SAXO1: variants seen among roughly 807,000 people sequenced by gnomAD.
SAXO1 encodes the protein stabilizer of axonemal microtubules 1, also known as 4930500O09Rik.
Under a neutral mutation model 17.5 loss-of-function variants are expected in SAXO1, and 21 were observed. The observed-to-expected ratio is 1.20, with a 90% confidence interval of 0.85 to 1.72. The LOEUF is 1.72. Among genes scored for constraint, SAXO1 ranks in the 40% most tolerant of loss-of-function variants. SAXO1 has a pLI of 0.00. For missense variants in SAXO1, 843 were observed against 596.0 expected (o/e 1.41, Z -4.32); for synonymous variants, 274 against 216.5 (o/e 1.27, Z -2.33).
intron 1 of SAXO1, chr9:19,027,853 C>G: frequency 7.2e-7 from 1 of 1,387,646 alleles, no homozygotes; most frequent in South Asian, 1.2e-5. Context: ...TCCTGGACCC[C>G]GCCCTGCTAC....
chr9:19,019,086 G>A (rs924151980), intron 1 of SAXO1, among the ~76,000 whole-genome samples: 1 of 151,552 alleles, frequency 6.6e-6, no homozygotes, highest in Non-Finnish European at 1.5e-5. Context: ...TCCAGCCTGG[G>A]CAACAAGAGT....
At chr9:18,963,340 G>T (rs950319500) in intron 1 of SAXO1, among the ~76,000 whole-genome samples, 80 of 151,924 alleles carry the variant, frequency 5.3e-4, no homozygotes, top group Admixed American at 4.4e-3. Context: ...ATTCTGTGAA[G>T]AAAGTTAATG....
chr9:19,029,929 T>C (rs529207002), intron 1 of SAXO1, among the ~76,000 whole-genome samples: 9 of 152,342 alleles, frequency 5.9e-5, no homozygotes, highest in Non-Finnish European at 8.8e-5. Flanking sequence ...ATGTGTTAGC[T>C]GTTAATAAAG....
At chr9:18,946,168 C>T (rs544406402) in intron 2 of SAXO1, among the ~76,000 whole-genome samples, 2 of 149,210 alleles carry the variant, frequency 1.3e-5, no homozygotes, top group African/African-American at 2.5e-5. Context: ...CCTAACTACT[C>T]GGGAGGCTGA....
At chr9:19,018,011 T>C (rs1230992123) in intron 1 of SAXO1, among the ~76,000 whole-genome samples, 1 of 152,004 alleles carries the variant, frequency 6.6e-6, no homozygotes, top group Admixed American at 6.6e-5. Flanking sequence ...CTACAAAAAA[T>C]ACAAAAATTA....
At chr9:18,932,207 CTT>C (rs1831084273) in intron 3 of SAXO1, among the ~76,000 whole-genome samples, 1 of 152,182 alleles carries the variant, frequency 6.6e-6, no homozygotes, top group African/African-American at 2.4e-5. Flanking sequence ...GTTTCTGACT[CTT>C]TTGAGTTTGG....
At chr9:19,011,910 A>G (rs1192738929) in intron 1 of SAXO1, among the ~76,000 whole-genome samples, 1 of 150,704 alleles carries the variant, frequency 6.6e-6, no homozygotes, top group Non-Finnish European at 1.5e-5. Flanking sequence ...CAGTGGCACA[A>G]TCTCAGGTCA....
intron 1 of SAXO1, among the ~76,000 whole-genome samples, chr9:19,008,741 G>A (rs540283068): frequency 5.9e-5 from 9 of 152,254 alleles, no homozygotes; most frequent in South Asian, 2.1e-4. Context: ...CGACTATGAC[G>A]ACACTGGATA....
intron 1 of SAXO1, among the ~76,000 whole-genome samples, chr9:19,015,910 G>A (rs1834955850): frequency 6.6e-6 from 1 of 152,154 alleles, no homozygotes; most frequent in South Asian, 2.1e-4. Context: ...AAAACTTGCA[G>A]ATTCCTGAGC....
At chr9:18,962,595 T>C (rs1832533315) in intron 1 of SAXO1, among the ~76,000 whole-genome samples, 1 of 152,184 alleles carries the variant, frequency 6.6e-6, no homozygotes, top group Admixed American at 6.5e-5. Context: ...TTCACTCTGA[T>C]GATAGTTTCT....
chr9:18,990,788 G>T (rs1367799434), intron 1 of SAXO1, among the ~76,000 whole-genome samples: 3 of 152,162 alleles, frequency 2.0e-5, no homozygotes, highest in African/African-American at 7.2e-5. Context: ...GCGCATGCAA[G>T]CGATCTAGGT....
chr9:19,036,266 A>AAG (rs1054995980), upstream of SAXO1, among the ~76,000 whole-genome samples: 6 of 151,098 alleles, frequency 4.0e-5, no homozygotes, highest in Non-Finnish European at 8.9e-5. Context: ...AAAAAAAAAA[A>AAG]AAAGAAAGAA....
At chr9:18,950,689 A>G in intron 2 of SAXO1, 69 bp downstream of exon 2, 2 of 1,356,100 alleles carry the variant, frequency 1.5e-6, no homozygotes, top group Non-Finnish European at 2.1e-6. Flanking sequence ...TTAATATTAT[A>G]CATTAGCACT....
At chr9:18,947,071 T>G (rs1563935750) in intron 2 of SAXO1, among the ~76,000 whole-genome samples, 1 of 152,168 alleles carries the variant, frequency 6.6e-6, no homozygotes, top group Non-Finnish European at 1.5e-5. Flanking sequence ...AAATACAGTA[T>G]AGACAATTCA....
chr9:18,956,964 G>A (rs1017289788), intron 1 of SAXO1, among the ~76,000 whole-genome samples: 7 of 152,194 alleles, frequency 4.6e-5, no homozygotes, highest in South Asian at 2.1e-4. Flanking sequence ...ACAACTGGAC[G>A]CCCAGGTCTG....
At chr9:18,944,496 A>G (rs189480114) in intron 2 of SAXO1, among the ~76,000 whole-genome samples, 12 of 152,316 alleles carry the variant, frequency 7.9e-5, no homozygotes, top group Non-Finnish European at 1.8e-4. Context: ...TCTTTTTAAG[A>G]ACACTGGATC....
chr9:18,933,697 T>C (rs191240230), intron 3 of SAXO1, among the ~76,000 whole-genome samples: 15 of 152,356 alleles, frequency 9.8e-5, no homozygotes, highest in Admixed American at 5.2e-4. Context: ...ACTGTGAATA[T>C]GCAACCAACT....
chr9:19,014,183 G>A (rs911947400), intron 1 of SAXO1, among the ~76,000 whole-genome samples: 7 of 152,000 alleles, frequency 4.6e-5, no homozygotes, highest in East Asian at 1.9e-4. Context: ...AAAAATCACC[G>A]GGTACGGTGG....
At chr9:19,004,325 G>A (rs1045515995) in intron 1 of SAXO1, among the ~76,000 whole-genome samples, 8 of 152,202 alleles carry the variant, frequency 5.3e-5, no homozygotes, top group African/African-American at 1.4e-4. Flanking sequence ...AGACAGTGTG[G>A]TGATTCCTCA....
Sources: gnomAD v4.1 joint callset for allele counts (sites outside exome capture counted in the v4.1 genomes callset) on GRCh38, gnomAD v4.1.1 for gene constraint, MANE v1.5 for transcripts, NCBI Gene and HGNC (gene_info 2026-07-23, HGNC 2026-07-21) for gene names.